The following MEIS1 variants were observed in gnomAD, a reference collection of about 807,000 sequenced individuals.
The protein encoded by MEIS1 is homeobox protein Meis1.
Under a neutral mutation model 50.8 loss-of-function variants are expected in MEIS1, and 5 were observed. The ratio of observed to expected loss-of-function variants is 0.10; its 90% CI spans 0.05 to 0.21. The LOEUF is 0.21. MEIS1 is among the 10% of genes least tolerant of loss of function. The pLI is 1.00. For missense variants in MEIS1, 318 were observed against 517.3 expected (o/e 0.61, Z 3.74); for synonymous variants, 176 against 179.3 (o/e 0.98, Z 0.15).
chr2:66,546,681 C>G (rs1674798832), intron 8 of MEIS1, among the ~76,000 whole-genome samples: 1 of 152,178 alleles, frequency 6.6e-6, no homozygotes, highest in Non-Finnish European at 1.5e-5. Flanking sequence ...GAGAAAGGCA[C>G]TATATTCCAT....
intron 7 of MEIS1, among the ~76,000 whole-genome samples, chr2:66,495,733 C>A (rs1215804925): frequency 6.6e-6 from 1 of 152,138 alleles, no homozygotes; most frequent in African/African-American, 2.4e-5. Flanking sequence ...CACTGAGCAG[C>A]AAGAGGAGGC....
At chr2:66,553,809 AC>A (rs1426244811) in intron 9 of MEIS1, among the ~76,000 whole-genome samples, 1 of 152,200 alleles carries the variant, frequency 6.6e-6, no homozygotes, top group Non-Finnish European at 1.5e-5. Context: ...GCTTTTCCCC[AC>A]TGCATAAAAT....
intron 7 of MEIS1, 134 bp from the exon 8 acceptor site, chr2:66,512,015 C>CA (rs1015282040): frequency 4.6e-6 from 5 of 1,089,926 alleles, no homozygotes; most frequent in Non-Finnish European, 3.7e-6. Context: ...CAAAACACAA[C>CA]AAAAAAACAG....
intron 8 of MEIS1, among the ~76,000 whole-genome samples, chr2:66,521,152 T>A (rs1674108494): frequency 1.3e-5 from 2 of 152,232 alleles, no homozygotes; most frequent in African/African-American, 4.8e-5. Context: ...CATCTGTTGA[T>A]ATTTTGTGAC....
intron 7 of MEIS1, among the ~76,000 whole-genome samples, chr2:66,505,574 C>T (rs1183475491): frequency 1.3e-5 from 2 of 151,998 alleles, no homozygotes; most frequent in Admixed American, 6.6e-5. Context: ...AGCTGAGGAT[C>T]AAATTGTCTG....
chr2:66,549,933 A>G (rs1056027514), intron 9 of MEIS1, among the ~76,000 whole-genome samples: 2 of 152,046 alleles, frequency 1.3e-5, no homozygotes, highest in African/African-American at 4.8e-5. Context: ...ACTTCAAGCA[A>G]TATATATATA....
At chr2:66,553,985 A>G (rs1674989632) in intron 9 of MEIS1, among the ~76,000 whole-genome samples, 1 of 152,196 alleles carries the variant, frequency 6.6e-6, no homozygotes, top group African/African-American at 2.4e-5. Context: ...GAAAGTCCAA[A>G]TATGGTTTTG....
intron 7 of MEIS1, among the ~76,000 whole-genome samples, chr2:66,498,159 T>C (rs1673456290): frequency 6.6e-6 from 1 of 152,114 alleles, no homozygotes; most frequent in Non-Finnish European, 1.5e-5. Context: ...AGATTAATGT[T>C]CCCCTGTTCA....
At chr2:66,447,750 A>G (rs1232785501) in intron 6 of MEIS1, among the ~76,000 whole-genome samples, 1 of 152,212 alleles carries the variant, frequency 6.6e-6, no homozygotes, top group Non-Finnish European at 1.5e-5. Context: ...ATAGGTTGAG[A>G]TCACTTACAT....
At position 66,573,137 on chromosome 2, in the gene MEIS1, G is replaced by C. The variant is rs768902073; in HGVS notation, c.*1929G>C. ...TATTAGGAAATTAACTACATGAATT[G>C]AAGAGACCAGACTTCAAAATCTAAT... On this transcript the variant is annotated 3_prime_UTR_variant, in exon 13 of 13. Coordinates refer to ENST00000272369, the MANE Select transcript of MEIS1 (RefSeq NM_002398.3). 1.3e-5 allele frequency: 2 copies of C among 152,188 alleles called. No homozygotes were observed. The highest frequency in any genetic ancestry group is 2.9e-5 in the Non-Finnish European group (2 of 68,030). 9.4% of individuals were successfully genotyped at this position (152,188 alleles called of 1,614,324 possible).
intron 7 of MEIS1, chr2:66,508,976 G>A (rs1240322788): frequency 2.1e-6 from 1 of 469,104 alleles, no homozygotes; most frequent in Non-Finnish European, 4.4e-6. Context: ...TTACAAATGT[G>A]GTTCAGAGCT....
At chr2:66,555,682 G>A (rs890690529) in intron 9 of MEIS1, among the ~76,000 whole-genome samples, 1 of 152,122 alleles carries the variant, frequency 6.6e-6, no homozygotes, top group African/African-American at 2.4e-5. Flanking sequence ...TGCTGAGGCT[G>A]GTGTTGGGTG....
At chr2:66,500,050 A>G (rs1426699305) in intron 7 of MEIS1, among the ~76,000 whole-genome samples, 1 of 152,172 alleles carries the variant, frequency 6.6e-6, no homozygotes, top group Non-Finnish European at 1.5e-5. Context: ...ATACTTTTAC[A>G]AAGCTCTCAG....
rs762844715 is a variant in MEIS1 at position 66,572,041 on chromosome 2, C to G, written c.*833C>G. 18 of 160,544 alleles carry G rather than the reference C, an allele frequency of 1.1e-4. No individual in the cohort carries two copies. The highest frequency in any genetic ancestry group is 2.0e-4 in the Non-Finnish European group (15 of 74,562). 9.9% of individuals were successfully genotyped at this position (160,544 alleles called of 1,614,324 possible). ...TCTCTTTTCCTCTCTCTCCCTCTTTCTAGCCTGGGGCTTGAATTTGCATGT... is the reference window on the plus strand; with the variant it reads ...TCTCTTTTCCTCTCTCTCCCTCTTTGTAGCCTGGGGCTTGAATTTGCATGT... On this transcript the variant is annotated 3_prime_UTR_variant, in exon 13 of 13. Transcript: ENST00000272369.
In MEIS1 at chr2:66,572,940, A is replaced by G. The variant is rs1205648405; in HGVS notation, c.*1732A>G. On this transcript the variant is annotated 3_prime_UTR_variant, in exon 13 of 13. Transcript: ENST00000272369. ...TTTAAGCTGACTTAATGAACTCCTA[A>G]TATCAGCAAATTTGAGGCCTAAAGG... 5.9e-5 allele frequency: 9 copies of G among 152,332 alleles called. No homozygotes were observed. The South Asian group carries it at 1.9e-3, about 32-fold the overall frequency. The allele number at this position is 152,332 out of a possible 1,614,324, so 9.4% of individuals were successfully genotyped here.
intron 8 of MEIS1, among the ~76,000 whole-genome samples, chr2:66,530,692 G>A (rs1362804011): frequency 1.3e-5 from 2 of 149,384 alleles, no homozygotes; most frequent in Admixed American, 6.7e-5. Flanking sequence ...CTCCAGCCTG[G>A]GTGACAGAGC....
At chr2:66,449,494 A>G (rs373067519) in intron 6 of MEIS1, among the ~76,000 whole-genome samples, 1 of 152,140 alleles carries the variant, frequency 6.6e-6, no homozygotes, top group African/African-American at 2.4e-5. Context: ...TTAATTTAAC[A>G]TGCCATGATT....
rs1333721721 is a variant in MEIS1 at position 66,441,449 on chromosome 2, A to G, written c.468A>G (p.Leu156=). The G allele has an allele frequency of 6.4e-7, 1 of 1,550,914 alleles. No homozygotes were observed. The highest frequency in any genetic ancestry group is 8.7e-7 in the Non-Finnish European group (1 of 1,149,194). Residue 156 remains leucine, a synonymous_variant, in exon 5 of 13, where the codon CTA becomes CTG. Transcript: ENST00000272369. The stretch of plus-strand genomic sequence containing the variant: ...CCATACAAGTATTAAGGTTTCATCT[A>G]TTGGAATTAGAGAAGGTAATTTCTC... ...IQAIQVLRFH[L]LELEKVHELC... is the part of the protein sequence containing the mutation.
At chr2:66,466,073 T>C (rs1672627135) in intron 7 of MEIS1, among the ~76,000 whole-genome samples, 1 of 152,260 alleles carries the variant, frequency 6.6e-6, no homozygotes, top group South Asian at 2.1e-4. Flanking sequence ...CTTATTTGAA[T>C]GATCTCAGCT....
Sources: gnomAD v4.1 joint callset for allele counts (sites outside exome capture counted in the v4.1 genomes callset) on GRCh38, gnomAD v4.1.1 for gene constraint, MANE v1.5 for transcripts, NCBI Gene and HGNC (gene_info 2026-07-23, HGNC 2026-07-21) for gene names.